Variants in TNXB observed in about 807,000 individuals in gnomAD.
TNXB encodes tenascin XB.
TNXB carries 183 observed loss-of-function variants against 340.5 expected under a neutral mutation model. The ratio of observed to expected loss-of-function variants is 0.54; its 90% confidence interval spans 0.48 to 0.61. The LOEUF (loss-of-function observed/expected upper bound fraction) is 0.61, where lower values mean the gene tolerates loss of function less well. Ranked by LOEUF, TNXB falls within the 20% of genes least tolerant of loss-of-function variation. The pLI is 0.00. For synonymous variants in TNXB, 2,121 were observed against 2,314.5 expected (o/e 0.92, Z 2.40); for missense variants, 4,613 against 5,446.4 (o/e 0.85, Z 4.82).
At position 32,049,539 on chromosome 6, in the gene TNXB, G is replaced by A. The variant is rs561810058; in HGVS notation, c.9488C>T (p.Ala3163Val). The change falls in exon 28 of 44, where the codon GCC becomes GTC. Residue 3163 changes from alanine (A) to valine (V), a missense_variant. By Grantham distance (64) the Ala-to-Val change is moderately conservative. Transcript: ENST00000644971. The surrounding 1 kb of genome is among the most constrained non-coding windows in gnomAD (Gnocchi z 4.5). The part of the protein sequence containing the change: ...PTEPSTEAPE[A>V]PEEPLLGELT... ...CTCCCCCAGGAGCGGCTCCTCAGGG[G>A]CCTCCGGGGCCTCAGTGCTGGGTTC... 6.2e-7 allele frequency: 1 copy of A among 1,612,488 alleles called. No homozygotes were observed. The highest frequency in any genetic ancestry group is 8.5e-7 in the Non-Finnish European group (1 of 1,179,830).
Position 32,095,085 on chromosome 6 carries a change from G to T in TNXB, c.2349C>A (p.Phe783Leu). The T allele has an allele frequency of 6.5e-7, 1 of 1,548,662 alleles. No individual in the cohort carries two copies. Among genetic ancestry groups the T allele is most frequent in the South Asian group, 1.2e-5 (1 of 83,454 alleles). The change falls in exon 4 of 44, where the codon TTC becomes TTA. Residue 783 changes from phenylalanine (F) to leucine (L), a missense_variant. By Grantham distance (22) the Phe-to-Leu change is conservative. Transcript: ENST00000644971. ...CTGGCATCTCTCTCACCGTGGGGAT[G>T]AACTGAATTTCATAGGCATCCACGG... Reference protein sequence around the residue: ...PGPVDAYEIQFIPTTEGASPP... With the variant: ...PGPVDAYEIQLIPTTEGASPP...
In TNXB at chr6:32,079,106, G is replaced by A. The variant is rs1331599528; in HGVS notation, c.4302C>T (p.His1434=). 2 of 1,613,744 alleles carry A rather than the reference G, an allele frequency of 1.2e-6. No individual in the cohort carries two copies. The highest frequency in any genetic ancestry group is 8.5e-7 in the Non-Finnish European group (1 of 1,179,880). The change falls in exon 11 of 44, where the codon CAC becomes CAT. Residue 1434 remains histidine, a synonymous_variant. Coordinates refer to ENST00000644971, the MANE Select transcript of TNXB (RefSeq NM_001365276.2). This position sits in a 1 kb window ranked among gnomAD's most constrained non-coding sequence, Gnocchi z 7.1. ...GGCCGTACAGGTGCATCTTGTACTT[G>A]TGCCCGGGCTCTAGGCCTCCCACGG... ...EVTVGGLEPG[H]KYKMHLYGLH...
In TNXB at chr6:32,086,145, A is replaced by G. The variant is rs189198753; in HGVS notation, c.2780-27T>C. On this transcript the variant is annotated intron_variant, in intron 6 of 43. Coordinates refer to ENST00000644971, the MANE Select transcript of TNXB (RefSeq NM_001365276.2). The stretch of plus-strand genomic sequence containing the variant: ...TGGGAAGGGGCAGGGTGAGAAAAAG[A>G]GGAGAGTCCAGTATGAGAACTAGAA... 1.2e-4 allele frequency: 170 copies of G among 1,465,042 alleles called. 1 individual carries two copies. The East Asian group carries it at 2.8e-3, about 24-fold the overall frequency. The allele number at this position is 1,465,042 out of a possible 1,614,324, so 90.8% of individuals were successfully genotyped here.
intron 1 of TNXB, among the ~76,000 whole-genome samples, chr6:32,102,182 T>C (rs1780751676): frequency 6.6e-6 from 1 of 152,216 alleles, no homozygotes; most frequent in Non-Finnish European, 1.5e-5. Context: ...CAGCTGGAAT[T>C]GTCATCTGTT....
chr6:32,090,845 CTGTG>C lies in TNXB; in HGVS notation c.2359-1470_2359-1467del, dbSNP rs1395408850. On this transcript the variant is annotated intron_variant, in intron 4 of 43. Transcript: ENST00000644971. The surrounding 1 kb of genome is among the most constrained non-coding windows in gnomAD (Gnocchi z 4.3). ...CCCAGAATTTATTTGTTCATTTTCT[CTGTG>C]TGTGTGTATGTCTCTTTCTCTTTAT... Among the ~76,000 whole-genome samples the C allele has an allele frequency of 6.6e-6, 1 of 152,254 alleles. No individual in the cohort carries two copies. Among genetic ancestry groups the C allele is most frequent in the African/African-American group, 2.4e-5 (1 of 41,542 alleles).
At position 32,065,080 on chromosome 6, in the gene TNXB, CT is replaced by C; in HGVS notation, c.6581del (p.Lys2194SerfsTer4). On this transcript the variant is annotated frameshift_variant, in exon 19 of 44. Transcript: ENST00000644971. LOFTEE classifies it high-confidence loss of function. ...EEESPDAPLAKLRLGQMTVRD... is the reference protein window; with the variant it reads ...EEESPDAPLAXLRLGQMTVRD... Reference sequence around the variant, plus strand: ...TCACTGTCATCTGCCCTAGGCGCAGCTTTGCAAGAGGAGCATCAGGGGACTC... The same window carrying C: ...TCACTGTCATCTGCCCTAGGCGCAGCTTGCAAGAGGAGCATCAGGGGACTC... The C allele has an allele frequency of 5.0e-6, 8 of 1,594,116 alleles. No homozygotes were observed. The highest frequency in any genetic ancestry group is 6.8e-6 in the Non-Finnish European group (8 of 1,170,390).
At chr6:32,055,746 G>C (rs569157697) in intron 24 of TNXB, 105 bp downstream of exon 24, 2 of 1,470,848 alleles carry the variant, frequency 1.4e-6, no homozygotes, top group African/African-American at 2.8e-5. Flanking sequence ...CCCAAGCATG[G>C]AAACGTGCAA....
rs897732411 is a variant in TNXB at position 32,069,939 on chromosome 6, G to C, written c.5279-78C>G. The stretch of plus-strand genomic sequence containing the variant: ...TGACCTCGACGGGCAGGATTGAGAG[G>C]TCTGGAGACAGGGCTTTGCGTGGCT... On this transcript the variant is annotated intron_variant, in intron 14 of 43. Transcript: ENST00000644971. The surrounding 1 kb of genome is among the most constrained non-coding windows in gnomAD (Gnocchi z 6.2). The C allele has an allele frequency of 6.9e-6, 10 of 1,448,278 alleles. No homozygotes were observed. In the African/African-American group the frequency reaches 8.5e-5, roughly 12 times the overall value. The allele number at this position is 1,448,278 out of a possible 1,614,324, so 89.7% of individuals were successfully genotyped here. A position where few individuals can be genotyped will look rare whatever the true frequency, so the allele number is the denominator to read the frequency against.
Position 32,051,250 on chromosome 6 carries a change from T to C in TNXB, c.9116-929A>G, listed in dbSNP as rs142322265. On this transcript the variant is annotated intron_variant, in intron 26 of 43. Transcript: ENST00000644971. This position sits in a 1 kb window ranked among gnomAD's most constrained non-coding sequence, Gnocchi z 4.7. The stretch of plus-strand genomic sequence containing the variant: ...TATTCCTGCCTGGCTCTGGGCTTCT[T>C]GTCACATGCTCACCCGCCTTTGCTT... Among the ~76,000 whole-genome samples the C allele has an allele frequency of 6.6e-5, 10 of 152,320 alleles. No individual in the cohort carries two copies. In the South Asian group the frequency reaches 1.9e-3, roughly 28 times the overall value.
rs150957138 is a variant in TNXB at position 32,097,148 on chromosome 6, G to GCA, written c.703_704dup (p.Arg236AlafsTer43). ...AGTCGGGGCCTGAGAAGCCTGCCCG[G>GCA]CACACACACACGCCCTGCACGCAGC... On this transcript the variant is annotated frameshift_variant, in exon 3 of 44. Coordinates refer to ENST00000644971, the MANE Select transcript of TNXB (RefSeq NM_001365276.2). LOFTEE classifies it high-confidence loss of function. The surrounding 1 kb of genome is among the most constrained non-coding windows in gnomAD (Gnocchi z 5.9). 5.0e-6 allele frequency: 8 copies of GCA among 1,600,340 alleles called. No homozygotes were observed. Among genetic ancestry groups the GCA allele is most frequent in the Middle Eastern group, 1.7e-4 (1 of 6,036 alleles).
At chr6:32,065,184 G>T in intron 18 of TNXB, 67 bp from the exon 19 acceptor site, 1 of 1,399,410 alleles carries the variant, frequency 7.1e-7, no homozygotes, top group South Asian at 1.5e-5. Context: ...CAGCTGTCTT[G>T]AATTCAGGTC....
At position 32,084,026 on chromosome 6, in the gene TNXB, T is replaced by C. The variant is rs1237419071; in HGVS notation, c.3445+387A>G. 6.6e-6 allele frequency among the ~76,000 whole-genome samples: 1 copy of C among 152,126 alleles called. No homozygotes were observed. The highest frequency in any genetic ancestry group is 6.5e-5 in the Admixed American group (1 of 15,278). ...GCCACCCGGTTATTTGCAAGATAAA[T>C]ATCTAGTCTCATCACTCTCCCACTT... On this transcript the variant is annotated intron_variant, in intron 8 of 43. Coordinates refer to ENST00000644971, the MANE Select transcript of TNXB (RefSeq NM_001365276.2). This position sits in a 1 kb window ranked among gnomAD's most constrained non-coding sequence, Gnocchi z 5.5.
rs770819769 is a variant in TNXB at position 32,041,485 on chromosome 6, G to A, written c.12634-35C>T. On this transcript the variant is annotated intron_variant, in intron 43 of 43. Coordinates refer to ENST00000644971, the MANE Select transcript of TNXB (RefSeq NM_001365276.2). ...GGGTTGTCAAGAGAGAGTCAAAGCC[G>A]GATGTCCCATCTGCTCTTCCCGTTC... 4.1e-5 allele frequency: 47 copies of A among 1,154,320 alleles called. 3 individuals are homozygous for A. The highest frequency in any genetic ancestry group is 1.7e-4 in the African/African-American group (10 of 59,708). The allele number at this position is 1,154,320 out of a possible 1,614,324, so 71.5% of individuals were successfully genotyped here.
At position 32,084,388 on chromosome 6, in the gene TNXB, G is replaced by A; in HGVS notation, c.3445+25C>T. 6.4e-7 allele frequency: 1 copy of A among 1,563,282 alleles called. No individual in the cohort carries two copies. Among genetic ancestry groups the A allele is most frequent in the Non-Finnish European group, 8.7e-7 (1 of 1,150,664 alleles). On this transcript the variant is annotated intron_variant, in intron 8 of 43. Transcript: ENST00000644971. The surrounding 1 kb of genome is among the most constrained non-coding windows in gnomAD (Gnocchi z 5.5). ...AAACCTCTTCAGGGCAGTACAGAGG[G>A]CAGGGTGTTACTGCTGTCACTCACA... is the stretch of plus-strand genomic sequence containing the variant.
chr6:32,043,914 G>A, intron 34 of TNXB, 22 bp from the exon 35 acceptor site: 2 of 1,613,406 alleles, frequency 1.2e-6, no homozygotes, highest in Non-Finnish European at 1.7e-6. Flanking sequence ...GGGGATCGAG[G>A]GTTACCCAGG....
In TNXB at chr6:32,069,913, G is replaced by A; in HGVS notation, c.5279-52C>T. The A allele has an allele frequency of 1.3e-6, 2 of 1,520,428 alleles. No individual in the cohort carries two copies. The highest frequency in any genetic ancestry group is 1.8e-4 in the Middle Eastern group (1 of 5,658). The allele number at this position is 1,520,428 out of a possible 1,614,324, so 94.2% of individuals were successfully genotyped here. A position where few individuals can be genotyped will look rare whatever the true frequency, so the allele number is the denominator to read the frequency against. ...GGCTGAGCTGTTTCTGGAAGACTGG[G>A]TGACCTCGACGGGCAGGATTGAGAG... On this transcript the variant is annotated intron_variant, in intron 14 of 43. Transcript: ENST00000644971. This position sits in a 1 kb window ranked among gnomAD's most constrained non-coding sequence, Gnocchi z 6.2.
Position 32,052,766 on chromosome 6 carries a change from C to A in TNXB, c.9019G>T (p.Val3007Leu). 6.2e-7 allele frequency: 1 copy of A among 1,613,720 alleles called. No homozygotes were observed. Among genetic ancestry groups the A allele is most frequent in the Non-Finnish European group, 8.5e-7 (1 of 1,179,856 alleles). The part of the protein sequence containing the change: ...RVRGEESEVT[V>L]GGLEPGCKYK... ...TTGCACCCGGGCTCCAGGCCCCCCA[C>A]GGTGACCTCGCTCTCCTCGCCCCTG... Residue 3007 changes from valine to leucine, a missense_variant, in exon 26 of 44, where the codon GTG becomes TTG. This residue lies in a region of TNXB where 4,327 missense variants were observed against 4,859.4 expected (regional missense o/e 0.89). Transcript: ENST00000644971. This position sits in a 1 kb window ranked among gnomAD's most constrained non-coding sequence, Gnocchi z 4.7.
rs376196970 is a variant in TNXB, at chr6:32,096,869, A to G, written c.984T>C (p.Cys328=). ...RGRCKDGRCV[C]DPGYTGEDCG... is the part of the protein sequence containing the mutation. ...AGTCCTCGCCAGTGTAGCCGGGGTC[A>G]CACACGCAGCGCCCGTCCTTGCAGC... Residue 328 remains cysteine, a synonymous_variant, in exon 3 of 44, where the codon TGT becomes TGC. Coordinates refer to ENST00000644971, the MANE Select transcript of TNXB (RefSeq NM_001365276.2). The G allele has an allele frequency of 9.2e-5, 147 of 1,597,806 alleles. No individual in the cohort carries two copies. The highest frequency in any genetic ancestry group is 1.2e-4 in the Non-Finnish European group (141 of 1,174,490).
intron 1 of TNXB, among the ~76,000 whole-genome samples, chr6:32,101,083 A>C (rs1780697410): frequency 6.6e-6 from 1 of 151,472 alleles, no homozygotes; most frequent in Admixed American, 6.6e-5. Flanking sequence ...ATCTCAAAAA[A>C]AAAAAAAAAA....
Sources: gnomAD v4.1 joint callset for allele counts (sites outside exome capture counted in the v4.1 genomes callset) on GRCh38, gnomAD v4.1.1 for gene constraint, gnomAD v4.1.1 regional missense constraint, Gnocchi (gnomAD v3.1) non-coding constraint, MANE v1.5 for transcripts, NCBI Gene and HGNC (gene_info 2026-07-23, HGNC 2026-07-21) for gene names.